The following GIPC2 variants were observed in gnomAD, a reference collection of about 807,000 sequenced individuals.
GIPC2 encodes GIPC PDZ domain containing family member 2, also known as PDZ domain-containing protein GIPC2.
In GIPC2, 30 loss-of-function variants were observed where a neutral mutation model predicts 30.6. The observed-to-expected ratio is 0.98, with a 90% CI of 0.73 to 1.33. GIPC2 has a LOEUF of 1.33. Among genes scored for constraint, GIPC2 ranks in the 40% most tolerant of loss-of-function variants. The probability of loss-of-function intolerance (pLI) is 0.00; values close to 1 mark genes in which losing one functional copy is unlikely to be tolerated. For synonymous variants in GIPC2, 167 were observed against 150.0 expected (o/e 1.11, Z -0.83); for missense variants, 414 against 390.3 (o/e 1.06, Z -0.51).
intron 1 of GIPC2, among the ~76,000 whole-genome samples, chr1:78,080,445 T>C (rs1012663260): frequency 2.0e-5 from 3 of 152,186 alleles, no homozygotes; most frequent in African/African-American, 7.2e-5. Context: ...GGGATGTAAA[T>C]TGTCTAGCGT....
In GIPC2 at chr1:78,119,399, A is replaced by G; in HGVS notation, c.614A>G (p.Glu205Gly). Residue 205 changes from glutamate (E) to glycine (G), a missense_variant, in exon 4 of 6, where the codon GAG (glutamate) becomes GGG (glycine). Coordinates refer to ENST00000370759, the MANE Select transcript of GIPC2 (RefSeq NM_017655.6). ...LIEPKKAFEI[E>G]LRSKAGKSSG... The stretch of plus-strand genomic sequence containing the variant: ...CCTGTTCATTGTATTGTAGAAATAG[A>G]GCTGAGGTCAAAGGCTGGAAAGTCA... 2 of 1,581,520 alleles carry G rather than the reference A, an allele frequency of 1.3e-6. No homozygotes were observed. The highest frequency in any genetic ancestry group is 1.7e-6 in the Non-Finnish European group (2 of 1,150,746).
chr1:78,132,203 A>C (rs899386936), intron 5 of GIPC2, among the ~76,000 whole-genome samples: 4 of 152,236 alleles, frequency 2.6e-5, no homozygotes, highest in Non-Finnish European at 5.9e-5. Context: ...TAGGGTTGCC[A>C]AGGAATCAAA....
In GIPC2 at chr1:78,138,219, G is replaced by A. The variant is rs528786574; in HGVS notation, c.*2476G>A. 3 of 152,146 alleles carry A rather than the reference G, an allele frequency of 2.0e-5. No homozygotes were observed. Among genetic ancestry groups the A allele is most frequent in the South Asian group, 2.1e-4 (1 of 4,824 alleles). 9.4% of individuals were successfully genotyped at this position (152,146 alleles called of 1,614,324 possible). On this transcript the variant is annotated 3_prime_UTR_variant, in exon 6 of 6. Transcript: ENST00000370759. ...TATATACTCTGATGATTACAAATAG[G>A]TACATGTTGGGTTTCTGTGATGTTT...
At chr1:78,094,805 T>A (rs1000056492) in intron 2 of GIPC2, 147 bp from the exon 3 acceptor site, 3 of 550,658 alleles carry the variant, frequency 5.4e-6, no homozygotes, top group East Asian at 2.8e-5. Context: ...AGTTTTTTTT[T>A]AAACCTGTAG....
intron 3 of GIPC2, among the ~76,000 whole-genome samples, chr1:78,110,237 A>G (rs1662442198): frequency 6.6e-6 from 1 of 152,034 alleles, no homozygotes. Flanking sequence ...TGTAGAGGGA[A>G]CCTCTATACC....
In GIPC2 at chr1:78,135,650, A is replaced by T; in HGVS notation, c.855A>T (p.Ala285=). 1 of 1,610,160 alleles carries T rather than the reference A, an allele frequency of 6.2e-7. No homozygotes were observed. The highest frequency in any genetic ancestry group is 8.5e-7 in the Non-Finnish European group (1 of 1,177,078). ...TAAATCCAGATGAATTTGCTGTGGC[A>T]CTTGACGAAACTCTTGGAGACTTTG... is the stretch of plus-strand genomic sequence containing the variant. ...DKVNPDEFAV[A]LDETLGDFAF... is the part of the protein sequence containing the mutation. Residue 285 remains alanine (A), a synonymous_variant, in exon 6 of 6, where the codon GCA becomes GCT. Transcript: ENST00000370759.
At chr1:78,077,435 GGTACTCCATCA>G (rs1661736246) in intron 1 of GIPC2, among the ~76,000 whole-genome samples, 1 of 152,056 alleles carries the variant, frequency 6.6e-6, no homozygotes, top group Non-Finnish European at 1.5e-5. Flanking sequence ...AATAGTCATG[GGTACTCCATCA>G]GTTATGGAAA....
chr1:78,088,703 G>C (rs755696599), intron 2 of GIPC2, among the ~76,000 whole-genome samples: 1 of 151,980 alleles, frequency 6.6e-6, no homozygotes, highest in Non-Finnish European at 1.5e-5. Flanking sequence ...AATTAGCTGG[G>C]TATAGTGGCA....
At chr1:78,108,716 G>A (rs1045642011) in intron 3 of GIPC2, among the ~76,000 whole-genome samples, 2 of 152,198 alleles carry the variant, frequency 1.3e-5, no homozygotes, top group African/African-American at 4.8e-5. Context: ...GCTAGATTTT[G>A]TGTCAGCTAT....
intron 3 of GIPC2, among the ~76,000 whole-genome samples, chr1:78,111,011 G>C (rs1056990607): frequency 1.3e-5 from 2 of 152,168 alleles, no homozygotes; most frequent in Admixed American, 6.5e-5. Context: ...TTGCTGGTGC[G>C]CACATCCTGC....
chr1:78,056,911 TTC>T (rs1288395897), intron 1 of GIPC2, among the ~76,000 whole-genome samples: 1 of 152,236 alleles, frequency 6.6e-6, no homozygotes, highest in Non-Finnish European at 1.5e-5. Context: ...CTTCGTCTTG[TTC>T]TCTTTCCAGT....
intron 2 of GIPC2, among the ~76,000 whole-genome samples, chr1:78,085,652 GTGTA>G (rs1013824408): frequency 9.2e-5 from 14 of 151,922 alleles, no homozygotes; most frequent in African/African-American, 3.1e-4. Flanking sequence ...TCTTGGGAGA[GTGTA>G]TGTGTCCAGG....
In GIPC2 at chr1:78,087,785, T is replaced by C. The variant is rs185355483; in HGVS notation, c.426+6925T>C. Among the ~76,000 whole-genome samples, 307 of 152,286 alleles carry C rather than the reference T, an allele frequency of 2.0e-3. 1 individual carries two copies. Among genetic ancestry groups the C allele is most frequent in the African/African-American group, 6.7e-3 (280 of 41,546 alleles). On this transcript the variant is annotated intron_variant, in intron 2 of 5. Coordinates refer to ENST00000370759, the MANE Select transcript of GIPC2 (RefSeq NM_017655.6). ...TGGGATCTAATTAAACTTAGGAGCT[T>C]CTGCACAGCAAGAGAAACTATCAAC...
chr1:78,059,151 T>C (rs1322258895), intron 1 of GIPC2, among the ~76,000 whole-genome samples: 1 of 152,178 alleles, frequency 6.6e-6, no homozygotes, highest in Admixed American at 6.6e-5. Context: ...CCCCTACAGA[T>C]TTTGACTAGG....
chr1:78,097,001 GC>G (rs1662149835), intron 3 of GIPC2, among the ~76,000 whole-genome samples: 1 of 152,116 alleles, frequency 6.6e-6, no homozygotes, highest in Non-Finnish European at 1.5e-5. Context: ...TGGCTGCTCT[GC>G]CTGTCCTCCA....
At chr1:78,081,398 C>A (rs1366263347) in intron 2 of GIPC2, among the ~76,000 whole-genome samples, 1 of 152,088 alleles carries the variant, frequency 6.6e-6, no homozygotes, top group African/African-American at 2.4e-5. Context: ...TCATTATTTC[C>A]TAAACAATAC....
At chr1:78,058,538 T>C (rs1051910273) in intron 1 of GIPC2, among the ~76,000 whole-genome samples, 5 of 152,316 alleles carry the variant, frequency 3.3e-5, no homozygotes, top group Middle Eastern at 3.4e-3. Context: ...CAGTGGAGTG[T>C]GGTTCAATGA....
chr1:78,112,469 T>A (rs771062670), intron 3 of GIPC2: 7 of 518,934 alleles, frequency 1.3e-5, no homozygotes, highest in African/African-American at 9.6e-5. Context: ...GCAGTGTCCA[T>A]CTGTGCCCAC....
intron 3 of GIPC2, among the ~76,000 whole-genome samples, chr1:78,106,622 A>G (rs540853943): frequency 6.6e-6 from 1 of 152,216 alleles, no homozygotes; most frequent in East Asian, 1.9e-4. Context: ...GTAATATCCC[A>G]GTTTTGCAAA....
Sources: gnomAD v4.1 joint callset for allele counts (sites outside exome capture counted in the v4.1 genomes callset) on GRCh38, gnomAD v4.1.1 for gene constraint, MANE v1.5 for transcripts, NCBI Gene and HGNC (gene_info 2026-07-23, HGNC 2026-07-21) for gene names.